RBMS3: variants seen among roughly 807,000 people sequenced by gnomAD.
The protein encoded by RBMS3 is RNA binding motif single stranded interacting protein 3, also known as RNA-binding motif, single-stranded-interacting protein 3.
In RBMS3, 27 loss-of-function variants were observed where a neutral mutation model predicts 66.8. The observed-to-expected ratio is 0.40, with a 90% CI of 0.30 to 0.56. The LOEUF (loss-of-function observed/expected upper bound fraction) is 0.56. Ranked by LOEUF, RBMS3 falls within the 20% of genes least tolerant of loss-of-function variation. The probability of loss-of-function intolerance (pLI) is 0.40; values close to 1 mark genes in which losing one functional copy is unlikely to be tolerated. For synonymous variants in RBMS3, 188 were observed against 183.0 expected (o/e 1.03, Z -0.22); for missense variants, 513 against 549.5 (o/e 0.93, Z 0.66).
chr3:29,966,078 A>G (rs1009011072), intron 12 of RBMS3, among the ~76,000 whole-genome samples: 1 of 152,034 alleles, frequency 6.6e-6, no homozygotes, highest in Non-Finnish European at 1.5e-5. Flanking sequence ...ATTCTGTTCC[A>G]TTGGTCTATG....
At chr3:29,308,711 C>G (rs1456208684) in intron 1 of RBMS3, among the ~76,000 whole-genome samples, 2 of 142,792 alleles carry the variant, frequency 1.4e-5, no homozygotes, top group Non-Finnish European at 3.0e-5. Context: ...AATATATGTG[C>G]CTGAAAGAAA....
rs1397521692 is a variant in RBMS3, at chr3:30,009,210, A to G, written c.*5348A>G. ...TTGTGCATAAATACAATCACTCTCA[A>G]TTTTTGAAGGGCTAATTATCTACTT... On this transcript the variant is annotated 3_prime_UTR_variant, in exon 15 of 15. Coordinates refer to ENST00000383767, the MANE Select transcript of RBMS3 (RefSeq NM_001003793.3). 12 of 151,962 alleles carry G rather than the reference A, an allele frequency of 7.9e-5. No homozygotes were observed. Among genetic ancestry groups the G allele is most frequent in the African/African-American group, 2.9e-4 (12 of 41,378 alleles). The allele number at this position is 151,962 out of a possible 1,614,324, so 9.4% of individuals were successfully genotyped here. A position where few individuals can be genotyped will look rare whatever the true frequency, so the allele number is the denominator to read the frequency against.
intron 4 of RBMS3, among the ~76,000 whole-genome samples, chr3:29,611,380 G>A (rs191735741): frequency 6.6e-6 from 1 of 152,020 alleles, no homozygotes; most frequent in East Asian, 1.9e-4. Context: ...TCATTTAGAG[G>A]TCCCTGTTGT....
chr3:29,624,645 C>T (rs868564608), intron 4 of RBMS3, among the ~76,000 whole-genome samples: 5 of 151,970 alleles, frequency 3.3e-5, no homozygotes, highest in South Asian at 2.1e-4. Flanking sequence ...GGCCATAGTT[C>T]GTTTATGTTT....
intron 14 of RBMS3, among the ~76,000 whole-genome samples, chr3:29,992,430 C>CA (rs1244312208): frequency 6.6e-6 from 1 of 151,856 alleles, no homozygotes; most frequent in African/African-American, 2.4e-5. Context: ...ACTAAAAATA[C>CA]AAAAAACTTA....
intron 3 of RBMS3, among the ~76,000 whole-genome samples, chr3:29,560,684 G>A (rs2046518926): frequency 6.6e-6 from 1 of 152,156 alleles, no homozygotes; most frequent in Non-Finnish European, 1.5e-5. Flanking sequence ...AGAATCCGGG[G>A]GTGACTGAAA....
chr3:29,435,017 G>C, intron 2 of RBMS3, 102 bp downstream of exon 2: 1 of 1,199,876 alleles, frequency 8.3e-7, no homozygotes, highest in Non-Finnish European at 1.2e-6. Flanking sequence ...TGGTGTCTCA[G>C]TGAGGAAGAC....
intron 4 of RBMS3, among the ~76,000 whole-genome samples, chr3:29,644,733 T>C (rs1328844733): frequency 6.6e-6 from 1 of 152,160 alleles, no homozygotes; most frequent in Admixed American, 6.5e-5. Flanking sequence ...CTGATTGTAT[T>C]GATTGCACAG....
intron 3 of RBMS3, among the ~76,000 whole-genome samples, chr3:29,553,410 G>C (rs905152219): frequency 6.6e-6 from 1 of 152,120 alleles, no homozygotes; most frequent in African/African-American, 2.4e-5. Context: ...CCCTTGATCT[G>C]ATGGGTTGGA....
At chr3:29,496,856 T>C (rs530419900) in intron 3 of RBMS3, among the ~76,000 whole-genome samples, 7 of 152,332 alleles carry the variant, frequency 4.6e-5, no homozygotes, top group African/African-American at 1.4e-4. Context: ...AATCACTTAA[T>C]ATACATATTA....
chr3:29,673,902 A>G (rs558654822), intron 4 of RBMS3, among the ~76,000 whole-genome samples: 7 of 152,338 alleles, frequency 4.6e-5, no homozygotes, highest in African/African-American at 1.7e-4. Context: ...AACTCATTTT[A>G]TGAGGCCTGC....
chr3:29,463,053 A>G (rs1022496675), intron 2 of RBMS3, among the ~76,000 whole-genome samples: 1 of 152,224 alleles, frequency 6.6e-6, no homozygotes, highest in Non-Finnish European at 1.5e-5. Flanking sequence ...TCTGTGGAAG[A>G]AAAGTACACA....
chr3:29,454,904 A>G (rs2042130019), intron 2 of RBMS3, among the ~76,000 whole-genome samples: 1 of 152,204 alleles, frequency 6.6e-6, no homozygotes, highest in African/African-American at 2.4e-5. Flanking sequence ...TCATTTCCAA[A>G]TAATTTTATA....
At chr3:29,341,196 A>G (rs2036261676) in intron 1 of RBMS3, among the ~76,000 whole-genome samples, 1 of 152,148 alleles carries the variant, frequency 6.6e-6, no homozygotes, top group South Asian at 2.1e-4. Flanking sequence ...ATATAAATAA[A>G]TGAAATCTTA....
chr3:29,497,957 T>C (rs1049042235), intron 3 of RBMS3, among the ~76,000 whole-genome samples: 3 of 147,788 alleles, frequency 2.0e-5, no homozygotes, highest in Non-Finnish European at 4.5e-5. Context: ...CTCAGAGTTA[T>C]TCTCTAAAAG....
rs60712857 is a variant in RBMS3, at chr3:29,639,593, C to CAGAGAGAGAGAGAG, written c.399+52406_399+52419dup. ...CTATAGATGATAGATAGAAGATAGA[C>CAGAGAGAGAGAGAG]AGAGAGAGAGAGAGAGAGAGAGAGA... On this transcript the variant is annotated intron_variant, in intron 4 of 14. Transcript: ENST00000383767. 3.9e-3 allele frequency among the ~76,000 whole-genome samples: 561 copies of CAGAGAGAGAGAGAG among 143,142 alleles called. 7 individuals carry two copies. Among genetic ancestry groups the CAGAGAGAGAGAGAG allele is most frequent in the East Asian group, 0.025 (121 of 4,772 alleles). The allele number at this position is 143,142 out of a possible 152,430, so 93.9% of individuals were successfully genotyped here. A position where few individuals can be genotyped will look rare whatever the true frequency, so the allele number is the denominator to read the frequency against.
chr3:29,450,267 A>G (rs1438732808), intron 2 of RBMS3, among the ~76,000 whole-genome samples: 2 of 152,110 alleles, frequency 1.3e-5, no homozygotes, highest in Non-Finnish European at 2.9e-5. Context: ...AGTGGCTGGG[A>G]ATGAGTAGAG....
At chr3:29,802,331 C>G (rs183674543) in intron 6 of RBMS3, among the ~76,000 whole-genome samples, 1 of 152,304 alleles carries the variant, frequency 6.6e-6, no homozygotes, top group Admixed American at 6.5e-5. Context: ...AGAAGGCTTT[C>G]TACTGTTCTC....
chr3:29,717,115 C>T (rs1017358649), intron 4 of RBMS3, among the ~76,000 whole-genome samples: 1 of 151,768 alleles, frequency 6.6e-6, no homozygotes, highest in East Asian at 1.9e-4. Flanking sequence ...TGAGGTAGAT[C>T]CTTTACCCGC....
Sources: allele counts gnomAD v4.1 joint callset (sites outside exome capture counted in the v4.1 genomes callset), GRCh38; gene constraint gnomAD v4.1.1; transcripts MANE v1.5; gene names NCBI Gene and HGNC (gene_info 2026-07-23, HGNC 2026-07-21).